The following CAGE1 variants were observed in gnomAD, a reference collection of about 807,000 sequenced individuals.
CAGE1 encodes the protein cancer antigen 1, also known as cancer-associated gene 1 protein.
A neutral mutation model predicts 94.9 loss-of-function variants in CAGE1; 66 were observed. The ratio of observed to expected loss-of-function variants is 0.70; its 90% CI spans 0.57 to 0.85. The LOEUF (loss-of-function observed/expected upper bound fraction) is 0.85, where lower values mean the gene tolerates loss of function less well. CAGE1 is among the 40% of genes least tolerant of loss of function. CAGE1 has a pLI of 0.00. For missense variants in CAGE1, 865 were observed against 950.4 expected (o/e 0.91, Z 1.18); for synonymous variants, 319 against 321.0 (o/e 0.99, Z 0.07).
chr6:7,347,757 T>C (rs1306064525), intron 11 of CAGE1, among the ~76,000 whole-genome samples: 1 of 152,026 alleles, frequency 6.6e-6, no homozygotes, highest in African/African-American at 2.4e-5. Context: ...ACAGGCCCTT[T>C]GGATTGTGTG....
intron 11 of CAGE1, among the ~76,000 whole-genome samples, chr6:7,353,693 A>G (rs1171162705): frequency 7.9e-6 from 1 of 125,872 alleles, no homozygotes; most frequent in African/African-American, 3.3e-5. Context: ...TATTATATAT[A>G]TGTACACACA....
intron 11 of CAGE1, among the ~76,000 whole-genome samples, chr6:7,354,635 G>A (rs1759888963): frequency 6.6e-6 from 1 of 152,164 alleles, no homozygotes; most frequent in South Asian, 2.1e-4. Context: ...AGTGTTTCAT[G>A]CTGAATCCCA....
chr6:7,331,323 CA>C, intron 12 of CAGE1: 1 of 1,031,338 alleles, frequency 9.7e-7, no homozygotes, highest in Non-Finnish European at 1.4e-6. Flanking sequence ...AACCATCAAA[CA>C]AAAGAGACCC....
chr6:7,383,674 A>G (rs1479781304), intron 3 of CAGE1, among the ~76,000 whole-genome samples: 1 of 152,064 alleles, frequency 6.6e-6, no homozygotes, highest in African/African-American at 2.4e-5. Context: ...ATTTTTTTTA[A>G]CTTTTTCACT....
At chr6:7,345,043 G>A (rs980196877) in intron 11 of CAGE1, among the ~76,000 whole-genome samples, 2 of 152,210 alleles carry the variant, frequency 1.3e-5, no homozygotes, top group African/African-American at 4.8e-5. Context: ...GCCCAAGCCA[G>A]CAGCGGCAGA....
intron 5 of CAGE1, among the ~76,000 whole-genome samples, chr6:7,371,368 A>G (rs1168171698): frequency 6.6e-6 from 1 of 152,204 alleles, no homozygotes; most frequent in Admixed American, 6.5e-5. Context: ...TTTCCTAAGA[A>G]TCCTTAAAAA....
At chr6:7,359,855 C>T (rs1037971527) in intron 9 of CAGE1, among the ~76,000 whole-genome samples, 2 of 152,228 alleles carry the variant, frequency 1.3e-5, no homozygotes, top group South Asian at 2.1e-4. Context: ...TCTGTCGCTG[C>T]TGCAACAAAT....
At chr6:7,367,970 C>T (rs955617840) in intron 7 of CAGE1, among the ~76,000 whole-genome samples, 1 of 152,156 alleles carries the variant, frequency 6.6e-6, no homozygotes, top group Non-Finnish European at 1.5e-5. Flanking sequence ...TGCAGTGGCT[C>T]ACGCCCGTAA....
chr6:7,347,198 C>CT (rs1759580357), intron 11 of CAGE1, among the ~76,000 whole-genome samples: 1 of 152,086 alleles, frequency 6.6e-6, no homozygotes, highest in South Asian at 2.1e-4. Context: ...GGAATCCTGA[C>CT]AGGACCCACA....
rs544431521 is a variant in CAGE1, at chr6:7,379,053, G to A, written c.284-33C>T. The A allele has an allele frequency of 2.3e-5, 32 of 1,366,978 alleles. No homozygotes were observed. The East Asian group carries it at 3.8e-4, about 16-fold the overall frequency. The allele number at this position is 1,366,978 out of a possible 1,614,324, so 84.7% of individuals were successfully genotyped here. A position where few individuals can be genotyped will look rare whatever the true frequency, so the allele number is the denominator to read the frequency against. ...GAAAGAGAAAGAAGGAAATAAAAAC[G>A]AGTAGACCATGAACTTGGATGGTAA... is the stretch of plus-strand genomic sequence containing the variant. On this transcript the variant is annotated intron_variant, in intron 3 of 13. Coordinates refer to ENST00000502583, the MANE Select transcript of CAGE1 (RefSeq NM_001170692.2).
intron 4 of CAGE1, among the ~76,000 whole-genome samples, chr6:7,375,990 C>A (rs1210670545): frequency 6.6e-6 from 1 of 152,148 alleles, no homozygotes; most frequent in African/African-American, 2.4e-5. Context: ...CCCCAATCCC[C>A]AGTGCAACAG....
At chr6:7,383,396 G>A (rs1761008210) in intron 3 of CAGE1, among the ~76,000 whole-genome samples, 1 of 152,270 alleles carries the variant, frequency 6.6e-6, no homozygotes, top group East Asian at 1.9e-4. Flanking sequence ...TTTGGTGTGA[G>A]GTAAGGTTCT....
In CAGE1 at chr6:7,389,662, C is replaced by A; in HGVS notation, c.-484G>T. 2.4e-6 allele frequency: 1 copy of A among 411,756 alleles called. No individual in the cohort carries two copies. Among genetic ancestry groups the A allele is most frequent in the South Asian group, 2.6e-5 (1 of 38,506 alleles). The allele number at this position is 411,756 out of a possible 1,614,324, so 25.5% of individuals were successfully genotyped here. On this transcript the variant is annotated 5_prime_UTR_variant, in exon 1 of 14. Transcript: ENST00000502583. The stretch of plus-strand genomic sequence containing the variant: ...GGGAAGAAACGGCCAGCACGGGCCT[C>A]GCCGTGCCGGCTACTCAACACGCCT...
At chr6:7,338,167 T>A (rs1339715929) in intron 11 of CAGE1, among the ~76,000 whole-genome samples, 2 of 152,242 alleles carry the variant, frequency 1.3e-5, no homozygotes, top group African/African-American at 4.8e-5. Flanking sequence ...TGCAACTTTT[T>A]TTGTAGATTC....
chr6:7,358,374 T>C (rs1298896108), intron 9 of CAGE1, among the ~76,000 whole-genome samples: 1 of 152,110 alleles, frequency 6.6e-6, no homozygotes, highest in African/African-American at 2.4e-5. Context: ...AGTTCATCCC[T>C]TTTTTATGAC....
chr6:7,348,596 G>GT (rs1240468676), intron 11 of CAGE1, among the ~76,000 whole-genome samples: 1 of 148,678 alleles, frequency 6.7e-6, no homozygotes, highest in Non-Finnish European at 1.5e-5. Flanking sequence ...AAGAATTCAG[G>GT]AGGTTAGTTA....
At chr6:7,345,084 C>A (rs181007840) in intron 11 of CAGE1, among the ~76,000 whole-genome samples, 4 of 151,744 alleles carry the variant, frequency 2.6e-5, no homozygotes, top group South Asian at 4.2e-4. Flanking sequence ...GTTCTTTCAC[C>A]CTGCAGTAAA....
At chr6:7,377,532 A>G (rs1760794292) in intron 4 of CAGE1, among the ~76,000 whole-genome samples, 1 of 152,120 alleles carries the variant, frequency 6.6e-6, no homozygotes, top group Non-Finnish European at 1.5e-5. Flanking sequence ...CGGCAGTTCA[A>G]GACCAGCCTG....
At chr6:7,369,296 C>G (rs1760462328) in intron 6 of CAGE1, among the ~76,000 whole-genome samples, 1 of 152,200 alleles carries the variant, frequency 6.6e-6, no homozygotes, top group South Asian at 2.1e-4. Context: ...GCGTGAGCCA[C>G]CGCACCTGGC....
Sources: gnomAD v4.1 joint callset for allele counts (sites outside exome capture counted in the v4.1 genomes callset) on GRCh38, gnomAD v4.1.1 for gene constraint, MANE v1.5 for transcripts, NCBI Gene and HGNC (gene_info 2026-07-23, HGNC 2026-07-21) for gene names.